ERCC6: variants seen among roughly 807,000 people sequenced by gnomAD.
The protein encoded by ERCC6 is ERCC excision repair 6, chromatin remodeling factor.
ERCC6 carries 116 observed loss-of-function variants against 158.7 expected under a neutral mutation model. The ratio of observed to expected loss-of-function variants is 0.73; its 90% CI spans 0.63 to 0.85. The LOEUF is 0.85. ERCC6 is among the 40% of genes least tolerant of loss of function. The pLI, the probability that ERCC6 is intolerant of heterozygous loss-of-function variation, is 0.00. For missense variants in ERCC6, 1,698 were observed against 1,799.4 expected (o/e 0.94, Z 1.02); for synonymous variants, 678 against 659.3 (o/e 1.03, Z -0.43).
At chr10:49,476,344 CA>C (rs746671193) in intron 11 of ERCC6, 34 bp from the exon 12 acceptor site, 3,149 of 1,324,820 alleles carry the variant, frequency 2.4e-3, no homozygotes, top group Non-Finnish European at 2.8e-3. Context: ...ACTATAATTT[CA>C]AAAAAAAAAT....
At chr10:49,465,270 G>A (rs1850654920) in intron 18 of ERCC6, among the ~76,000 whole-genome samples, 1 of 152,206 alleles carries the variant, frequency 6.6e-6, no homozygotes, top group African/African-American at 2.4e-5. Context: ...GGGGCCTATA[G>A]CCCCTTTGTT....
intron 5 of ERCC6, among the ~76,000 whole-genome samples, chr10:49,522,614 C>A (rs1054175372): frequency 1.3e-5 from 2 of 152,144 alleles, no homozygotes; most frequent in African/African-American, 4.8e-5. Context: ...ATAAATTGCT[C>A]TTGATCAAAA....
At chr10:49,461,694 TA>T in intron 18 of ERCC6, 138 bp from the exon 19 acceptor site, 1 of 806,664 alleles carries the variant, frequency 1.2e-6, no homozygotes, top group Non-Finnish European at 2.0e-6. Flanking sequence ...GAATCAATGA[TA>T]AAAAATAGTA....
In ERCC6 at chr10:49,525,019, T is replaced by C. The variant is rs903014141; in HGVS notation, c.653-242A>G. On this transcript the variant is annotated intron_variant, in intron 4 of 20. Coordinates refer to ENST00000355832, the MANE Select transcript of ERCC6 (RefSeq NM_000124.4). The stretch of plus-strand genomic sequence containing the variant: ...GTAACTTTTCCCCAAAATATTTCAC[T>C]ATAAATATACTCTCTGCCATCCAAA... 6 of 879,356 alleles carry C rather than the reference T, an allele frequency of 6.8e-6. No individual in the cohort carries two copies. The African/African-American group carries it at 1.0e-4, about 15-fold the overall frequency. 54.5% of individuals were successfully genotyped at this position (879,356 alleles called of 1,614,324 possible).
the ERCC6 span, among the ~76,000 whole-genome samples, chr10:49,443,781 C>T: frequency 1.3e-5 from 2 of 152,212 alleles, no homozygotes; most frequent in East Asian, 3.8e-4. Context: ...CAGTCACATG[C>T]TGTACAGGTT....
chr10:49,475,768 G>A (rs1044772010), intron 12 of ERCC6, among the ~76,000 whole-genome samples: 9 of 152,114 alleles, frequency 5.9e-5, no homozygotes, highest in African/African-American at 1.9e-4. Context: ...TTCCTAACAT[G>A]GCAATGGTTC....
Position 49,524,402 on chromosome 10 carries a change from TG to T in ERCC6, c.1027del (p.Gln343ArgfsTer17). ...TGCCTTTGGCAATCCCACTTTCCCC[TG>T]GAACTGCAAAGCCCTCTTCTGGAGT... ...KKLQKRALQF[Q>X]GKVGLPKARR... On this transcript the variant is annotated frameshift_variant, in exon 5 of 21. Coordinates refer to ENST00000355832, the MANE Select transcript of ERCC6 (RefSeq NM_000124.4). LOFTEE classifies it high-confidence loss of function. The T allele has an allele frequency of 6.2e-7, 1 of 1,614,218 alleles. No individual in the cohort carries two copies. Among genetic ancestry groups the T allele is most frequent in the Non-Finnish European group, 8.5e-7 (1 of 1,180,038 alleles).
intron 18 of ERCC6, among the ~76,000 whole-genome samples, chr10:49,466,612 C>T (rs190420677): frequency 6.6e-6 from 1 of 152,320 alleles, no homozygotes; most frequent in African/African-American, 2.4e-5. Flanking sequence ...ACTCATGTCC[C>T]TTTGTAATCC....
intron 7 of ERCC6, among the ~76,000 whole-genome samples, chr10:49,497,949 C>T (rs931392466): frequency 1.3e-5 from 2 of 152,064 alleles, no homozygotes; most frequent in African/African-American, 2.4e-5. Flanking sequence ...TTAGGAATTA[C>T]CAAATGATAT....
chr10:49,517,375 T>C (rs777700067), intron 5 of ERCC6, among the ~76,000 whole-genome samples: 1 of 152,202 alleles, frequency 6.6e-6, no homozygotes, highest in African/African-American at 2.4e-5. Flanking sequence ...CACATCACTT[T>C]TTGACAAGCT....
At position 49,493,090 on chromosome 10, in the gene ERCC6, C is replaced by T. The variant is rs369626385; in HGVS notation, c.1821+27G>A. 3.4e-5 allele frequency: 55 copies of T among 1,612,774 alleles called. No homozygotes were observed. The African/African-American group carries it at 6.8e-4, about 20-fold the overall frequency. ...TAAAATGGAGGGCATTAAAACAAAA[C>T]AAAAAGGTACTGAAATATTGTGTTA... On this transcript the variant is annotated intron_variant, in intron 8 of 20. Coordinates refer to ENST00000355832, the MANE Select transcript of ERCC6 (RefSeq NM_000124.4).
At chr10:49,447,484 G>T in the ERCC6 span, among the ~76,000 whole-genome samples, 1 of 152,040 alleles carries the variant, frequency 6.6e-6, no homozygotes, top group African/African-American at 2.4e-5. Flanking sequence ...TCAGGAGATC[G>T]AGACCATCCT....
intron 15 of ERCC6, 186 bp from the exon 16 acceptor site, chr10:49,472,656 A>T (rs1412933009): frequency 1.7e-5 from 13 of 744,352 alleles, no homozygotes; most frequent in Non-Finnish European, 2.9e-5. Flanking sequence ...TCTCTACTTG[A>T]AAAAATGTTT....
intron 1 of ERCC6, among the ~76,000 whole-genome samples, chr10:49,534,633 G>A (rs989291152): frequency 6.6e-6 from 1 of 152,148 alleles, no homozygotes; most frequent in African/African-American, 2.4e-5. Flanking sequence ...TGTTCACATT[G>A]TACTCCACAT....
chr10:49,525,865 C>A (rs1426990909), intron 4 of ERCC6, among the ~76,000 whole-genome samples: 1 of 151,758 alleles, frequency 6.6e-6, no homozygotes, highest in Non-Finnish European at 1.5e-5. Flanking sequence ...AACGTACAGA[C>A]AAGTTGTGCC....
At chr10:49,490,828 G>C (rs951441927) in intron 8 of ERCC6, among the ~76,000 whole-genome samples, 1 of 152,156 alleles carries the variant, frequency 6.6e-6, no homozygotes, top group Non-Finnish European at 1.5e-5. Context: ...CCCAATGTCA[G>C]AGTACCATTA....
chr10:49,511,422 TTTTAC>T (rs1836815733), intron 5 of ERCC6, among the ~76,000 whole-genome samples: 1 of 91,236 alleles, frequency 1.1e-5, no homozygotes, highest in Non-Finnish European at 2.1e-5. Flanking sequence ...TCATCTTCTT[TTTTAC>T]TTTTTTTTTT....
At chr10:49,494,677 C>T (rs563978977) in intron 7 of ERCC6, among the ~76,000 whole-genome samples, 1 of 152,302 alleles carries the variant, frequency 6.6e-6, no homozygotes, top group African/African-American at 2.4e-5. Context: ...CCCTGAAACT[C>T]TCACTAGTCC....
intron 15 of ERCC6, 51 bp downstream of exon 15, chr10:49,472,858 G>A: frequency 1.3e-6 from 2 of 1,596,696 alleles, no homozygotes; most frequent in Non-Finnish European, 1.7e-6. Context: ...CGCTAACCAT[G>A]AAACTATATT....
Sources: allele counts gnomAD v4.1 joint callset (sites outside exome capture counted in the v4.1 genomes callset), GRCh38; gene constraint gnomAD v4.1.1; transcripts MANE v1.5; gene names NCBI Gene and HGNC (gene_info 2026-07-23, HGNC 2026-07-21).